Variants in SPTSSB observed in about 807,000 individuals in gnomAD.
The protein encoded by SPTSSB is serine palmitoyltransferase small subunit B.
In SPTSSB, 6 loss-of-function variants were observed where a neutral mutation model predicts 7.7. That is an observed-to-expected ratio of 0.78 (90% CI 0.43 to 1.54). The LOEUF (loss-of-function observed/expected upper bound fraction) is 1.54, where lower values mean the gene tolerates loss of function less well. SPTSSB is among the 40% of genes most tolerant of loss of function. SPTSSB has a pLI of 0.01. For synonymous variants in SPTSSB, 28 were observed against 29.7 expected (o/e 0.94, Z 0.19); for missense variants, 91 against 93.0 (o/e 0.98, Z 0.09).
chr3:161,370,380 T>TCAAGTGA (rs1422738247), intron 1 of SPTSSB, among the ~76,000 whole-genome samples: 1 of 152,218 alleles, frequency 6.6e-6, no homozygotes, highest in Non-Finnish European at 1.5e-5. Context: ...ACAGTACATT[T>TCAAGTGA]CATACTACAG....
intron 1 of SPTSSB, among the ~76,000 whole-genome samples, chr3:161,366,014 C>T (rs901422882): frequency 6.6e-6 from 1 of 152,182 alleles, no homozygotes; most frequent in Non-Finnish European, 1.5e-5. Context: ...GACTTGTTCT[C>T]TCTTTACCTG....
intron 2 of SPTSSB, among the ~76,000 whole-genome samples, chr3:161,357,016 GAA>G (rs961082688): frequency 1.3e-5 from 2 of 152,058 alleles, no homozygotes; most frequent in Admixed American, 1.3e-4. Flanking sequence ...AAAAGGAAAA[GAA>G]AAGAGTGGAG....
intron 1 of SPTSSB, among the ~76,000 whole-genome samples, chr3:161,365,676 G>T (rs774135905): frequency 2.6e-5 from 4 of 152,152 alleles, no homozygotes; most frequent in Non-Finnish European, 5.9e-5. Flanking sequence ...CCTTGTGACA[G>T]GGGGTCTTTT....
intron 1 of SPTSSB, among the ~76,000 whole-genome samples, chr3:161,363,647 CT>C (rs1361258704): frequency 6.6e-6 from 1 of 151,888 alleles, no homozygotes; most frequent in Non-Finnish European, 1.5e-5. Flanking sequence ...ATTGTTAACA[CT>C]TTGGAGTTTT....
Position 161,348,699 on chromosome 3 carries a change from A to AT in SPTSSB, c.-32-2345dup, listed in dbSNP as rs373233225. 6.9e-3 allele frequency among the ~76,000 whole-genome samples: 1,038 copies of AT among 151,204 alleles called. 8 individuals carry two copies. Among genetic ancestry groups the AT allele is most frequent in the African/African-American group, 0.024 (986 of 41,236 alleles). ...CATTTAAGCAGTTAAGATTAAAAAAATTTTTTTTTTGCCAGTTACCACAAT... is the reference window on the plus strand; with the variant it reads ...CATTTAAGCAGTTAAGATTAAAAAAATTTTTTTTTTTGCCAGTTACCACAAT... On this transcript the variant is annotated intron_variant, in intron 2 of 2. Transcript: ENST00000620149.
chr3:161,369,318 T>C (rs200694946), intron 1 of SPTSSB, among the ~76,000 whole-genome samples: 164 of 77,740 alleles, frequency 2.1e-3, no homozygotes, highest in East Asian at 0.013. Context: ...TTCTTTCTCT[T>C]TCTTTCTTTC....
At chr3:161,367,291 A>G (rs1352576213) in intron 1 of SPTSSB, among the ~76,000 whole-genome samples, 2 of 152,272 alleles carry the variant, frequency 1.3e-5, no homozygotes, top group Admixed American at 6.5e-5. Flanking sequence ...AAAAGCTTTC[A>G]TGGTCAAAAC....
At position 161,344,878 on chromosome 3, in the gene SPTSSB, G is replaced by C. The variant is rs1714136458; in HGVS notation, c.*1215C>G. 1 of 152,488 alleles carries C rather than the reference G, an allele frequency of 6.6e-6. No individual in the cohort carries two copies. Among genetic ancestry groups the C allele is most frequent in the South Asian group, 2.1e-4 (1 of 4,828 alleles). 9.4% of individuals were successfully genotyped at this position (152,488 alleles called of 1,614,324 possible). On this transcript the variant is annotated 3_prime_UTR_variant, in exon 3 of 3. Coordinates refer to ENST00000620149, the MANE Select transcript of SPTSSB (RefSeq NM_001040100.2). Reference sequence around the variant, plus strand: ...TGGTTTCTCTTCAAAACATGTGTTTGTTTTTTTAACAAACATGCAAGTTAA... The same window carrying C: ...TGGTTTCTCTTCAAAACATGTGTTTCTTTTTTTAACAAACATGCAAGTTAA...
At chr3:161,347,700 T>C (rs989069347) in intron 2 of SPTSSB, among the ~76,000 whole-genome samples, 1 of 151,958 alleles carries the variant, frequency 6.6e-6, no homozygotes, top group Non-Finnish European at 1.5e-5. Context: ...GGTGAAACCC[T>C]GTCTGTACTA....
intron 1 of SPTSSB, among the ~76,000 whole-genome samples, chr3:161,371,107 A>C (rs573740120): frequency 1.3e-5 from 2 of 152,296 alleles, no homozygotes; most frequent in African/African-American, 4.8e-5. Context: ...TTAAGAAGGA[A>C]ACCAAGCACA....
chr3:161,357,528 T>C (rs961945221), intron 2 of SPTSSB, among the ~76,000 whole-genome samples: 26 of 152,324 alleles, frequency 1.7e-4, no homozygotes, highest in Middle Eastern at 3.4e-3. Context: ...TTCCAAAACA[T>C]AAAAATACTT....
chr3:161,368,237 A>T (rs1270265840), intron 1 of SPTSSB, among the ~76,000 whole-genome samples: 8 of 152,114 alleles, frequency 5.3e-5, no homozygotes, highest in South Asian at 2.1e-4. Flanking sequence ...ACTCTGGAAA[A>T]TTTTTTTAAA....
At chr3:161,348,768 C>T (rs766405870) in intron 2 of SPTSSB, among the ~76,000 whole-genome samples, 9 of 152,164 alleles carry the variant, frequency 5.9e-5, no homozygotes, top group Non-Finnish European at 1.2e-4. Context: ...AAAAGTGTCT[C>T]TTGAAAACAC....
chr3:161,364,431 A>G (rs1007174863), intron 1 of SPTSSB, among the ~76,000 whole-genome samples: 2 of 152,132 alleles, frequency 1.3e-5, no homozygotes, highest in African/African-American at 4.8e-5. Flanking sequence ...GCCCAAGCAT[A>G]TTCTCTCAGA....
intron 1 of SPTSSB, among the ~76,000 whole-genome samples, chr3:161,367,037 C>T (rs759968208): frequency 9.9e-5 from 15 of 152,046 alleles, no homozygotes; most frequent in Admixed American, 2.6e-4. Context: ...TTTAGCTGGG[C>T]GTGGTGGCAG....
intron 2 of SPTSSB, among the ~76,000 whole-genome samples, chr3:161,348,878 G>C (rs1412576740): frequency 6.6e-6 from 1 of 152,140 alleles, no homozygotes; most frequent in South Asian, 2.1e-4. Context: ...GGTGAGAAGA[G>C]GGAGAGTTGG....
At chr3:161,351,014 A>T (rs1304412460) in intron 2 of SPTSSB, among the ~76,000 whole-genome samples, 1 of 152,158 alleles carries the variant, frequency 6.6e-6, no homozygotes, top group Admixed American at 6.6e-5. Context: ...ATACCTGACC[A>T]GTACTCCCCA....
At chr3:161,367,323 G>A (rs1183303015) in intron 1 of SPTSSB, among the ~76,000 whole-genome samples, 1 of 152,172 alleles carries the variant, frequency 6.6e-6, no homozygotes, top group African/African-American at 2.4e-5. Flanking sequence ...AGCATGATAT[G>A]CTCCTCAAAA....
intron 1 of SPTSSB, among the ~76,000 whole-genome samples, chr3:161,362,076 A>G (rs1212505226): frequency 1.3e-5 from 2 of 152,168 alleles, no homozygotes; most frequent in Non-Finnish European, 2.9e-5. Context: ...TTAAGGCCCA[A>G]GCTCTCCATC....
Sources: gnomAD v4.1 joint callset for allele counts (sites outside exome capture counted in the v4.1 genomes callset) on GRCh38, gnomAD v4.1.1 for gene constraint, MANE v1.5 for transcripts, NCBI Gene and HGNC (gene_info 2026-07-23, HGNC 2026-07-21) for gene names.